TDRKH: variants seen among roughly 807,000 people sequenced by gnomAD.
The protein encoded by TDRKH is tudor and KH domain containing.
In TDRKH, 28 loss-of-function variants were observed where a neutral mutation model predicts 61.3. That is an observed-to-expected ratio of 0.46 (90% CI 0.34 to 0.63). The LOEUF is 0.63. Among genes scored for constraint, TDRKH ranks in the 20% least tolerant of loss-of-function variants. The pLI is 0.01. For synonymous variants in TDRKH, 219 were observed against 244.4 expected, an observed-to-expected ratio of 0.90 and a Z score of 0.97; for missense variants, 540 against 683.4, an observed-to-expected ratio of 0.79 and a Z score of 2.34.
chr1:151,771,439 GGA>G (rs1648701356), downstream of TDRKH: 1 of 1,134,916 alleles, frequency 8.8e-7, no homozygotes, highest in Non-Finnish European at 1.1e-6. Context: ...CCTGAACTAC[GGA>G]GGAAAGTACC....
At chr1:151,785,754 C>T (rs1298178715) in intron 1 of TDRKH, among the ~76,000 whole-genome samples, 2 of 152,052 alleles carry the variant, frequency 1.3e-5, no homozygotes, top group East Asian at 3.9e-4. Flanking sequence ...GGTAACAGCA[C>T]CTGTATTTTT....
At chr1:151,779,810 A>G (rs1649570672) in intron 4 of TDRKH, 141 bp downstream of exon 4, 3 of 815,854 alleles carry the variant, frequency 3.7e-6, no homozygotes, top group Non-Finnish European at 3.7e-6. Context: ...TTCTACAAAC[A>G]GTAAACCTCT....
At position 151,773,947 on chromosome 1, in the gene TDRKH, T is replaced by C. The variant is rs1443354830; in HGVS notation, c.*505A>G. Reference sequence around the variant, plus strand: ...CAGCCTCAAAAAGGATACAGCCTAGTAGTAATGTGAATCATGACTGGTAGA... The same window carrying C: ...CAGCCTCAAAAAGGATACAGCCTAGCAGTAATGTGAATCATGACTGGTAGA... On this transcript the variant is annotated 3_prime_UTR_variant, in exon 13 of 13. Coordinates refer to ENST00000368824, the MANE Select transcript of TDRKH (RefSeq NM_001083965.2). 6.5e-6 allele frequency: 1 copy of C among 154,808 alleles called. No individual in the cohort carries two copies. Among genetic ancestry groups the C allele is most frequent in the Non-Finnish European group, 1.4e-5 (1 of 69,964 alleles). The allele number at this position is 154,808 out of a possible 1,614,324, so 9.6% of individuals were successfully genotyped here.
At chr1:151,771,779 T>A (rs1489465777), downstream of TDRKH, 2 of 394,596 alleles carry the variant, frequency 5.1e-6, no homozygotes, top group Admixed American at 8.8e-5. Context: ...TGTAAACAGG[T>A]AAGACTTAAA....
chr1:151,766,881 T>C, downstream of TDRKH: 1 of 1,608,188 alleles, frequency 6.2e-7, no homozygotes, highest in Non-Finnish European at 8.5e-7. Context: ...GCCTCGTTGT[T>C]ATAAAAGGTA....
At chr1:151,768,956 C>A (rs567462466), downstream of TDRKH, among the ~76,000 whole-genome samples, 5 of 151,956 alleles carry the variant, frequency 3.3e-5, no homozygotes, top group Non-Finnish European at 4.4e-5. Flanking sequence ...GGACACAGCA[C>A]GTTTCAGAGA....
Position 151,778,997 on chromosome 1 carries a change from G to T in TDRKH, c.571C>A (p.Leu191Met), listed in dbSNP as rs773561126. 4 of 1,613,792 alleles carry T rather than the reference G, an allele frequency of 2.5e-6. No individual in the cohort carries two copies. In the Admixed American group the frequency reaches 6.7e-5, roughly 27 times the overall value. The change falls in exon 6 of 13, where the codon CTG (leucine) becomes ATG (methionine). Residue 191 changes from leucine (L) to methionine (M), a missense_variant. Physicochemically the swap from Leu to Met is conservative, Grantham distance 15. Around this residue, in one of 3 missense-constraint regions of TDRKH, gnomAD observed 5 missense variants for 21.6 expected, o/e 0.23. Coordinates refer to ENST00000368824, the MANE Select transcript of TDRKH (RefSeq NM_001083965.2). ...TCTTCATCTTCTGAAACTTTCTCCAGTATCAAATGCTGTGGAAAACAAGAG... is the reference window on the plus strand; with the variant it reads ...TCTTCATCTTCTGAAACTTTCTCCATTATCAAATGCTGTGGAAAACAAGAG... ...KEVAAAKHLI[L>M]EKVSEDEELR...
rs757289763 is a variant in TDRKH at position 151,782,960 on chromosome 1, A to G, written c.63T>C (p.Leu21=). 2 of 1,613,598 alleles carry G rather than the reference A, an allele frequency of 1.2e-6. No homozygotes were observed. Among genetic ancestry groups the G allele is most frequent in the South Asian group, 1.1e-5 (1 of 90,974 alleles). ...LSTIQKIALG[L]GIPASATVAY... ...CAACTGTTGCACTGGCTGGGATCCC[A>G]AGGCCCAGGGCTATTTTCTGAATGG... is the stretch of plus-strand genomic sequence containing the variant. Residue 21 remains leucine, a synonymous_variant, in exon 2 of 13, where the codon CTT becomes CTC. Coordinates refer to ENST00000368824, the MANE Select transcript of TDRKH (RefSeq NM_001083965.2).
intron 2 of TDRKH, 76 bp from the exon 3 acceptor site, chr1:151,781,663 T>C (rs1572002198): frequency 4.5e-6 from 6 of 1,332,332 alleles, no homozygotes; most frequent in Non-Finnish European, 6.4e-6. Context: ...CTCCCCAGAA[T>C]CTGGCTGTCA....
At chr1:151,779,929 A>G (rs772581312) in intron 4 of TDRKH, 22 bp downstream of exon 4, 1 of 1,595,088 alleles carries the variant, frequency 6.3e-7, no homozygotes, top group African/African-American at 1.3e-5. Flanking sequence ...AGGAAACAAT[A>G]GAGGAAGCCA....
At position 151,774,165 on chromosome 1, in the gene TDRKH, A is replaced by G. The variant is rs1648926596; in HGVS notation, c.*287T>C. ...GCCAGACTATATGTGTAATAAAGGA[A>G]GGACTGCATGGATCCTTTATCATAC... On this transcript the variant is annotated 3_prime_UTR_variant, in exon 13 of 13. Transcript: ENST00000368824. 2 of 394,572 alleles carry G rather than the reference A, an allele frequency of 5.1e-6. No homozygotes were observed. The highest frequency in any genetic ancestry group is 8.1e-5 in the South Asian group (2 of 24,742). The allele number at this position is 394,572 out of a possible 1,614,324, so 24.4% of individuals were successfully genotyped here.
chr1:151,769,959 G>A, downstream of TDRKH: 2 of 670,936 alleles, frequency 3.0e-6, no homozygotes, highest in South Asian at 1.7e-5. Flanking sequence ...GCAATCCCAG[G>A]CACTCAGCAG....
chr1:151,771,399 G>A, downstream of TDRKH: 2 of 1,321,104 alleles, frequency 1.5e-6, no homozygotes, highest in Non-Finnish European at 2.0e-6. Context: ...CACCTTAACA[G>A]AGCTAAATTC....
downstream of TDRKH, among the ~76,000 whole-genome samples, chr1:151,772,752 C>T (rs898249186): frequency 1.3e-5 from 2 of 152,002 alleles, no homozygotes; most frequent in African/African-American, 4.8e-5. Context: ...AAGATTCCTC[C>T]AAGACTACAT....
At chr1:151,777,898 T>G (rs527301372) in intron 6 of TDRKH, among the ~76,000 whole-genome samples, 1 of 152,090 alleles carries the variant, frequency 6.6e-6, no homozygotes, top group Non-Finnish European at 1.5e-5. Context: ...TTTCTTTTTT[T>G]TTTAAACAGA....
At chr1:151,772,285 G>GT (rs1648752286), downstream of TDRKH, among the ~76,000 whole-genome samples, 1 of 14,760 alleles carries the variant, frequency 6.8e-5, no homozygotes, top group African/African-American at 1.9e-4. Context: ...GTATTTACGG[G>GT]TTTCAGCATG....
intron 1 of TDRKH, among the ~76,000 whole-genome samples, chr1:151,787,421 A>G (rs1650424847): frequency 6.6e-6 from 1 of 151,942 alleles, no homozygotes; most frequent in Non-Finnish European, 1.5e-5. Context: ...GTTTCACCAT[A>G]TTGGCCAGGA....
At chr1:151,768,299 A>G, downstream of TDRKH, 6 of 1,546,660 alleles carry the variant, frequency 3.9e-6, no homozygotes, top group South Asian at 3.6e-5. Context: ...CTATCATGTC[A>G]TAGTACATAA....
At chr1:151,780,382 AC>A (rs1649637831) in intron 3 of TDRKH, among the ~76,000 whole-genome samples, 3 of 151,746 alleles carry the variant, frequency 2.0e-5, no homozygotes, top group African/African-American at 7.3e-5. Flanking sequence ...GTAAATTCAA[AC>A]CCATTTATCT....
Sources: allele counts gnomAD v4.1 joint callset (sites outside exome capture counted in the v4.1 genomes callset), GRCh38; gene constraint gnomAD v4.1.1; regional missense constraint gnomAD v4.1.1; transcripts MANE v1.5; gene names NCBI Gene and HGNC (gene_info 2026-07-23, HGNC 2026-07-21).